Variants in TRPM3 observed in about 807,000 individuals in gnomAD.
TRPM3 encodes long transient receptor potential channel 3.
A neutral mutation model predicts 181.2 loss-of-function variants in TRPM3; 77 were observed. The ratio of observed to expected loss-of-function variants is 0.42; its 90% CI spans 0.35 to 0.51. The LOEUF (loss-of-function observed/expected upper bound fraction) is 0.51, where lower values mean the gene tolerates loss of function less well. TRPM3 is among the 20% of genes least tolerant of loss of function. The pLI is 0.01. For synonymous variants in TRPM3, 745 were observed against 796.4 expected (o/e 0.94, Z 1.09); for missense variants, 1,759 against 2,196.7 (o/e 0.80, Z 3.98).
At chr9:71,369,308 G>A (rs957323819) in intron 1 of TRPM3, among the ~76,000 whole-genome samples, 1 of 152,080 alleles carries the variant, frequency 6.6e-6, no homozygotes, top group Non-Finnish European at 1.5e-5. Flanking sequence ...GTTTTTAAAG[G>A]ACTAATACTC....
chr9:70,962,307 T>C (rs2097143992), intron 1 of TRPM3, among the ~76,000 whole-genome samples: 1 of 151,992 alleles, frequency 6.6e-6, no homozygotes, highest in Admixed American at 6.6e-5. Context: ...AATCCACAGA[T>C]GATAATCTTC....
intron 1 of TRPM3, among the ~76,000 whole-genome samples, chr9:71,142,479 T>A (rs936732191): frequency 2.0e-5 from 3 of 152,106 alleles, no homozygotes; most frequent in Non-Finnish European, 4.4e-5. Context: ...TTTTTACATT[T>A]TCATATATAC....
chr9:71,029,352 TAATAAA>T (rs2056997365), intron 1 of TRPM3, among the ~76,000 whole-genome samples: 1 of 152,156 alleles, frequency 6.6e-6, no homozygotes, highest in Non-Finnish European at 1.5e-5. Context: ...GATAAAATAC[TAATAAA>T]AATAAACTTA....
At chr9:71,021,964 A>G (rs938106524) in intron 1 of TRPM3, among the ~76,000 whole-genome samples, 1 of 152,228 alleles carries the variant, frequency 6.6e-6, no homozygotes, top group African/African-American at 2.4e-5. Context: ...TAAAATGCAA[A>G]CAAGTAAAAG....
At chr9:71,071,866 A>G (rs967081782) in intron 1 of TRPM3, among the ~76,000 whole-genome samples, 3 of 152,222 alleles carry the variant, frequency 2.0e-5, no homozygotes, top group African/African-American at 7.2e-5. Flanking sequence ...TGTGGTTCAC[A>G]TAGAGGGAAT....
At chr9:70,849,695 G>T (rs780866729) in intron 3 of TRPM3, among the ~76,000 whole-genome samples, 2 of 152,056 alleles carry the variant, frequency 1.3e-5, no homozygotes, top group African/African-American at 4.8e-5. Context: ...TATGTTGTGT[G>T]GGAAAGAAGG....
chr9:71,409,672 A>G (rs758275706), intron 1 of TRPM3, among the ~76,000 whole-genome samples: 1 of 152,090 alleles, frequency 6.6e-6, no homozygotes, highest in Non-Finnish European at 1.5e-5. Context: ...GACTTTAACA[A>G]CCCACTGTCA....
intron 8 of TRPM3, among the ~76,000 whole-genome samples, chr9:70,757,846 A>G (rs2077360655): frequency 6.6e-6 from 1 of 152,216 alleles, no homozygotes; most frequent in African/African-American, 2.4e-5. Flanking sequence ...AATAAAAGCT[A>G]TTTATGACAA....
intron 24 of TRPM3, among the ~76,000 whole-genome samples, chr9:70,551,372 G>A (rs1432861353): frequency 2.6e-5 from 4 of 152,172 alleles, no homozygotes; most frequent in African/African-American, 9.7e-5. Context: ...AGCAGACATG[G>A]CTGTTCCTCC....
At chr9:71,249,812 C>G (rs371395705) in intron 1 of TRPM3, among the ~76,000 whole-genome samples, 1 of 152,016 alleles carries the variant, frequency 6.6e-6, no homozygotes, top group Non-Finnish European at 1.5e-5. Flanking sequence ...CAGAAAGCAA[C>G]GCAGACCTGG....
chr9:71,377,958 A>T (rs2092705518), intron 1 of TRPM3, among the ~76,000 whole-genome samples: 1 of 151,772 alleles, frequency 6.6e-6, no homozygotes, highest in African/African-American at 2.4e-5. Context: ...ATATATCACG[A>T]TTTATTTATC....
At chr9:70,586,347 A>G (rs535614851) in intron 22 of TRPM3, among the ~76,000 whole-genome samples, 1 of 152,394 alleles carries the variant, frequency 6.6e-6, no homozygotes, top group African/African-American at 2.4e-5. Context: ...ATTAAATGTT[A>G]TGACAATAGA....
intron 8 of TRPM3, among the ~76,000 whole-genome samples, chr9:70,688,544 T>C (rs1288607903): frequency 1.3e-5 from 2 of 152,178 alleles, no homozygotes; most frequent in Non-Finnish European, 1.5e-5. Flanking sequence ...ATACCAGACT[T>C]GGTTTTCCAT....
chr9:71,425,869 A>G (rs1289337771), intron 1 of TRPM3, among the ~76,000 whole-genome samples: 1 of 152,054 alleles, frequency 6.6e-6, no homozygotes, highest in Non-Finnish European at 1.5e-5. Context: ...TTAATCTCTT[A>G]GTTCCTCAAA....
intron 1 of TRPM3, among the ~76,000 whole-genome samples, chr9:71,243,380 T>C (rs1179042456): frequency 6.6e-6 from 1 of 152,238 alleles, no homozygotes; most frequent in East Asian, 1.9e-4. Flanking sequence ...CCATCTGCTG[T>C]CATCTCCGCT....
In TRPM3 at chr9:71,184,313, C is replaced by T. The variant is rs546139832; in HGVS notation, c.183+262340G>A. Among the ~76,000 whole-genome samples the T allele has an allele frequency of 1.8e-4, 27 of 152,256 alleles. 1 individual carries two copies. In the South Asian group the frequency reaches 5.2e-3, roughly 29 times the overall value. ...GTTGCAAGAACACCACTTTACTCAA[C>T]GCTCATCCTTAGCAAGGGCCTCAAA... is the stretch of plus-strand genomic sequence containing the variant. On this transcript the variant is annotated intron_variant, in intron 1 of 24. Transcript: ENST00000357533.
chr9:71,413,870 T>C (rs1445384017), intron 1 of TRPM3, among the ~76,000 whole-genome samples: 1 of 151,820 alleles, frequency 6.6e-6, no homozygotes, highest in Non-Finnish European at 1.5e-5. Flanking sequence ...TTTTTTTTTT[T>C]TTAAACTACC....
intron 8 of TRPM3, among the ~76,000 whole-genome samples, chr9:70,742,251 A>T (rs960130191): frequency 3.3e-5 from 5 of 152,088 alleles, no homozygotes; most frequent in African/African-American, 1.2e-4. Flanking sequence ...TATAATCATG[A>T]TTATTTACCT....
chr9:71,280,091 A>G lies in TRPM3; in HGVS notation c.183+166562T>C, dbSNP rs1363061536. Reference sequence around the variant, plus strand: ...GAAACTCCATCTCAAAAAAAAAAAAAAAAAGGGGATGTATAAGGTTCTCCC... The same window carrying G: ...GAAACTCCATCTCAAAAAAAAAAAAGAAAAGGGGATGTATAAGGTTCTCCC... On this transcript the variant is annotated intron_variant, in intron 1 of 24. Transcript: ENST00000357533. 2.0e-5 allele frequency among the ~76,000 whole-genome samples: 3 copies of G among 151,906 alleles called. No homozygotes were observed. In the South Asian group the frequency reaches 6.3e-4, roughly 32 times the overall value.
Sources: allele counts gnomAD v4.1 joint callset (sites outside exome capture counted in the v4.1 genomes callset), GRCh38; gene constraint gnomAD v4.1.1; transcripts MANE v1.5; gene names NCBI Gene and HGNC (gene_info 2026-07-23, HGNC 2026-07-21).